NHSL2: variants seen among roughly 807,000 people sequenced by gnomAD.
The protein encoded by NHSL2 is NHS-like protein 2.
A neutral mutation model predicts 53.4 loss-of-function variants in NHSL2; 27 were observed. The ratio of observed to expected loss-of-function variants is 0.51; its 90% CI spans 0.37 to 0.70. The LOEUF (loss-of-function observed/expected upper bound fraction) is 0.70, where lower values mean the gene tolerates loss of function less well. Ranked by LOEUF, NHSL2 falls within the 30% of genes least tolerant of loss-of-function variation. The pLI is 0.00. For synonymous variants in NHSL2, 408 were observed against 404.1 expected, an observed-to-expected ratio of 1.01 and a Z score of -0.12; for missense variants, 892 against 980.1, an observed-to-expected ratio of 0.91 and a Z score of 1.20.
At chrX:72,016,390 T>C (rs1392833784) in intron 1 of NHSL2, among the ~76,000 whole-genome samples, 1 of 112,384 alleles carries the variant, frequency 8.9e-6, no homozygotes, top group African/African-American at 3.2e-5. Context: ...TGATACCTTG[T>C]ATAATGTCAT....
At chrX:72,104,207 T>A (rs1028008890) in intron 1 of NHSL2, among the ~76,000 whole-genome samples, 2 of 108,031 alleles carry the variant, frequency 1.9e-5, no homozygotes, top group African/African-American at 6.8e-5. Flanking sequence ...ACTGTCCCAT[T>A]CACGACTACT....
intron 1 of NHSL2, among the ~76,000 whole-genome samples, chrX:72,087,125 A>G (rs2041855196): frequency 8.9e-6 from 1 of 112,460 alleles, no homozygotes; most frequent in Non-Finnish European, 1.9e-5. Flanking sequence ...TTGGCAGATG[A>G]GTAGAGAAAT....
Position 72,145,388 on chromosome X carries a change from A to C in NHSL2, c.*1814A>C, listed in dbSNP as rs2042456653. The C allele has an allele frequency of 8.9e-6, 1 of 112,383 alleles. No individual in the cohort carries two copies. Among genetic ancestry groups the C allele is most frequent in the Non-Finnish European group, 1.9e-5 (1 of 53,311 alleles). The allele number at this position is 112,383 out of a possible 1,213,427, so 9.3% of individuals were successfully genotyped here. Reference sequence around the variant, plus strand: ...ATAGTTCTGAATCTGAGACTTCTGGAAACAGGCCAGGCCCACCAACTCCCT... The same window carrying C: ...ATAGTTCTGAATCTGAGACTTCTGGCAACAGGCCAGGCCCACCAACTCCCT... On this transcript the variant is annotated 3_prime_UTR_variant, in exon 8 of 8. Transcript: ENST00000633930.
At chrX:72,129,871 T>A (rs779228396) in intron 1 of NHSL2, 2 of 1,201,185 alleles carry the variant, frequency 1.7e-6, no homozygotes, top group Non-Finnish European at 2.2e-6. Context: ...GTGGCCCCCC[T>A]GTCTCGGAGT....
intron 1 of NHSL2, among the ~76,000 whole-genome samples, chrX:71,993,853 A>G (rs1398330184): frequency 9.1e-6 from 1 of 109,860 alleles, no homozygotes; most frequent in Non-Finnish European, 1.9e-5. Flanking sequence ...TGAAAACACT[A>G]TGCAGGCCAA....
At chrX:71,970,329 T>C (rs771596086) in intron 1 of NHSL2, among the ~76,000 whole-genome samples, 1 of 112,303 alleles carries the variant, frequency 8.9e-6, no homozygotes, top group East Asian at 2.8e-4. Flanking sequence ...TTTAAATGTT[T>C]TGTAGAATTC....
chrX:72,098,607 A>G lies in NHSL2; in HGVS notation c.281-33472A>G, dbSNP rs984949577. On this transcript the variant is annotated intron_variant, in intron 1 of 7. Coordinates refer to ENST00000633930, the MANE Select transcript of NHSL2 (RefSeq NM_001013627.3). ...AAAAAAAAAAAAAAAGAAAGAGAGA[A>G]GAAGTTGAAAGGGGTGTTTACAAGT... is the stretch of plus-strand genomic sequence containing the variant. Among the ~76,000 whole-genome samples, 104 of 110,129 alleles carry G rather than the reference A, an allele frequency of 9.4e-4. 1 individual carries two copies. The highest frequency in any genetic ancestry group is 3.2e-3 in the African/African-American group (96 of 30,411).
chrX:71,948,256 G>A (rs2041802445), intron 1 of NHSL2, among the ~76,000 whole-genome samples: 1 of 111,958 alleles, frequency 8.9e-6, no homozygotes, highest in Non-Finnish European at 1.9e-5. Flanking sequence ...ATAAGCCCAG[G>A]ATTTGCAGTC....
chrX:72,134,341 C>T (rs1235187641), intron 3 of NHSL2, 123 bp downstream of exon 3: 3 of 878,127 alleles, frequency 3.4e-6, no homozygotes, highest in East Asian at 3.4e-5. Context: ...TACCCTGAGG[C>T]CCCACTGGGA....
intron 1 of NHSL2, among the ~76,000 whole-genome samples, chrX:72,114,101 G>T (rs1170988558): frequency 8.9e-6 from 1 of 112,266 alleles, no homozygotes; most frequent in African/African-American, 3.2e-5. Flanking sequence ...TTTGGCATAG[G>T]AAAATTTCTG....
intron 1 of NHSL2, among the ~76,000 whole-genome samples, chrX:72,099,589 TCA>T (rs2041974564): frequency 1.8e-5 from 2 of 110,803 alleles, no homozygotes; most frequent in African/African-American, 6.6e-5. Context: ...CAGGCTGGTC[TCA>T]AACTCCTGAC....
At chrX:71,949,495 C>T (rs1340698513) in intron 1 of NHSL2, among the ~76,000 whole-genome samples, 1 of 111,832 alleles carries the variant, frequency 8.9e-6, no homozygotes, top group Non-Finnish European at 1.9e-5. Flanking sequence ...CTCTGAGCTT[C>T]CCTGTGGAGT....
In NHSL2 at chrX:71,989,358, A is replaced by G. The variant is rs1018875255; in HGVS notation, c.280+77991A>G. ...AGCAAGACTCCGTCTCAAAAAAAAA[A>G]AAAAAAAAAAGGTGGAAGATGTGAA... On this transcript the variant is annotated intron_variant, in intron 1 of 7. Coordinates refer to ENST00000633930, the MANE Select transcript of NHSL2 (RefSeq NM_001013627.3). Among the ~76,000 whole-genome samples the G allele has an allele frequency of 8.2e-5, 9 of 109,606 alleles. 1 individual carries two copies. The highest frequency in any genetic ancestry group is 3.0e-4 in the African/African-American group (9 of 30,123).
At chrX:72,012,912 C>T (rs994392359) in intron 1 of NHSL2, among the ~76,000 whole-genome samples, 5 of 112,398 alleles carry the variant, frequency 4.4e-5, no homozygotes, top group African/African-American at 1.6e-4. Flanking sequence ...GTCCCTCCAC[C>T]AATACTACAT....
chrX:72,121,081 G>A (rs777293147), intron 1 of NHSL2, among the ~76,000 whole-genome samples: 1 of 112,579 alleles, frequency 8.9e-6, no homozygotes, highest in Non-Finnish European at 1.9e-5. Flanking sequence ...AGGCAAGTTA[G>A]AAAAGCAGAG....
chrX:72,120,943 T>C (rs965790074), intron 1 of NHSL2, among the ~76,000 whole-genome samples: 1 of 112,698 alleles, frequency 8.9e-6, no homozygotes, highest in Non-Finnish European at 1.9e-5. Flanking sequence ...TGACTAAATA[T>C]GAGGGCCTGG....
chrX:72,147,910 G>A lies in NHSL2; in HGVS notation c.*4336G>A, dbSNP rs1364196859. 1.2e-4 allele frequency: 13 copies of A among 112,620 alleles called. No homozygotes were observed. Among genetic ancestry groups the A allele is most frequent in the African/African-American group, 4.2e-4 (13 of 30,976 alleles). The allele number at this position is 112,620 out of a possible 1,213,427, so 9.3% of individuals were successfully genotyped here. A position where few individuals can be genotyped will look rare whatever the true frequency, so the allele number is the denominator to read the frequency against. On this transcript the variant is annotated 3_prime_UTR_variant, in exon 8 of 8. Coordinates refer to ENST00000633930, the MANE Select transcript of NHSL2 (RefSeq NM_001013627.3). The stretch of plus-strand genomic sequence containing the variant: ...CCAATGGAATGAAGTTCTACTTGCA[G>A]AATGTTAGGCATCAACTAGTTGTAG...
At chrX:71,991,818 T>TCTCTCTCTCTCTC (rs778925898) in intron 1 of NHSL2, among the ~76,000 whole-genome samples, 6 of 99,858 alleles carry the variant, frequency 6.0e-5, no homozygotes, top group African/African-American at 2.0e-4. Flanking sequence ...GTCTTTCTCT[T>TCTCTCTCTCTCTC]TCTCTCTCTC....
rs1426002941 is a variant in NHSL2, at chrX:72,150,216, G to C, written c.*6642G>C. The C allele has an allele frequency of 1.8e-5, 2 of 112,454 alleles. No individual in the cohort carries two copies. Among genetic ancestry groups the C allele is most frequent in the Non-Finnish European group, 1.9e-5 (1 of 53,293 alleles). 9.3% of individuals were successfully genotyped at this position (112,454 alleles called of 1,213,427 possible). ...ACAATGGATGTTTTCCCTAAAAGTT[G>C]TGTGAAAAATGAGTTTTTTAGATAT... On this transcript the variant is annotated 3_prime_UTR_variant, in exon 8 of 8. Transcript: ENST00000633930.
Sources: gnomAD v4.1 joint callset for allele counts (sites outside exome capture counted in the v4.1 genomes callset) on GRCh38, gnomAD v4.1.1 for gene constraint, MANE v1.5 for transcripts, NCBI Gene and HGNC (gene_info 2026-07-23, HGNC 2026-07-21) for gene names.